DCLK1: variants seen among roughly 807,000 people sequenced by gnomAD.
DCLK1 encodes the protein serine/threonine-protein kinase DCLK1.
DCLK1 carries 16 observed loss-of-function variants against 86.2 expected under a neutral mutation model. The observed-to-expected ratio is 0.19, with a 90% CI of 0.13 to 0.28. The LOEUF is 0.28. Among genes scored for constraint, DCLK1 ranks in the 10% least tolerant of loss-of-function variants. The pLI is 1.00. For missense variants in DCLK1, 590 were observed against 940.2 expected, an observed-to-expected ratio of 0.63 and a Z score of 4.87; for synonymous variants, 369 against 370.5, an observed-to-expected ratio of 1.00 and a Z score of 0.05.
chr13:35,905,402 G>A (rs542273577), intron 4 of DCLK1, among the ~76,000 whole-genome samples: 18 of 152,320 alleles, frequency 1.2e-4, no homozygotes, highest in African/African-American at 4.3e-4. Context: ...GTTGAGGAAA[G>A]AGAAGATCCC....
At chr13:35,917,817 C>A (rs371013962) in intron 4 of DCLK1, among the ~76,000 whole-genome samples, 1 of 142,984 alleles carries the variant, frequency 7.0e-6, no homozygotes, top group African/African-American at 2.5e-5. Context: ...TGGCGGGGGG[C>A]AGGGCGGGGA....
intron 6 of DCLK1, chr13:35,850,772 A>C (rs1346015834): frequency 1.9e-6 from 3 of 1,593,886 alleles, no homozygotes; most frequent in Middle Eastern, 1.7e-4. Flanking sequence ...GGGGCGGTAC[A>C]GGTCCTGCAA....
intron 3 of DCLK1, among the ~76,000 whole-genome samples, chr13:36,060,702 G>A (rs997817402): frequency 2.0e-5 from 3 of 152,076 alleles, no homozygotes; most frequent in Admixed American, 2.0e-4. Flanking sequence ...AAAAAAAGAT[G>A]TCTGGTTAAA....
At position 35,839,060 on chromosome 13, in the gene DCLK1, C is replaced by A. The variant is rs775429323; in HGVS notation, c.1120+32G>T. ...GTAAATTTAGCCAACCCATCCTCTG[C>A]CTCCTCAGATACCAAGTCCCAAGCT... is the stretch of plus-strand genomic sequence containing the variant. On this transcript the variant is annotated intron_variant, in intron 7 of 16. Transcript: ENST00000360631. The A allele has an allele frequency of 1.3e-5, 20 of 1,568,510 alleles. No homozygotes were observed. In the East Asian group the frequency reaches 4.4e-4, roughly 34 times the overall value.
chr13:35,846,794 T>C, intron 6 of DCLK1: 1 of 985,244 alleles, frequency 1.0e-6, no homozygotes, highest in South Asian at 4.7e-5. Context: ...GCATATATAG[T>C]AAATTCATTC....
chr13:35,941,477 A>C (rs556088947), intron 4 of DCLK1, among the ~76,000 whole-genome samples: 34 of 152,346 alleles, frequency 2.2e-4, no homozygotes, highest in African/African-American at 8.2e-4. Flanking sequence ...CCCAGGAAGA[A>C]CAACACTGGA....
At chr13:36,124,290 A>T (rs1566022041) in intron 2 of DCLK1, among the ~76,000 whole-genome samples, 1 of 152,240 alleles carries the variant, frequency 6.6e-6, no homozygotes, top group African/African-American at 2.4e-5. Context: ...AAGCTGAAAC[A>T]GTAAAATTTC....
chr13:35,845,510 A>T (rs1468355049), intron 6 of DCLK1, among the ~76,000 whole-genome samples: 1 of 152,138 alleles, frequency 6.6e-6, no homozygotes, highest in Non-Finnish European at 1.5e-5. Flanking sequence ...AAATTAGATC[A>T]CCTTGGGAAA....
At position 35,825,094 on chromosome 13, in the gene DCLK1, G is replaced by A. The variant is rs185117288; in HGVS notation, c.1408-2219C>T. ...CTAAAGTCCTGTGCCTGATGAGCAT[G>A]GAATTTCATTCTCATTAACTGCCGA... is the stretch of plus-strand genomic sequence containing the variant. On this transcript the variant is annotated intron_variant, in intron 10 of 16. Coordinates refer to ENST00000360631, the MANE Select transcript of DCLK1 (RefSeq NM_001330071.2). Among the ~76,000 whole-genome samples the A allele has an allele frequency of 7.2e-4, 110 of 152,328 alleles. 1 individual carries two copies. The highest frequency in any genetic ancestry group is 2.6e-3 in the African/African-American group (107 of 41,568).
intron 3 of DCLK1, among the ~76,000 whole-genome samples, chr13:36,099,064 T>C (rs111923425): frequency 0.16 from 24,936 of 151,274 alleles, 2,281 homozygotes; most frequent in Non-Finnish European, 0.21. Context: ...GCCTCCTGGG[T>C]TCAAGCGATT....
At chr13:35,911,328 C>T (rs1171264072) in intron 4 of DCLK1, among the ~76,000 whole-genome samples, 1 of 151,598 alleles carries the variant, frequency 6.6e-6, no homozygotes, top group African/African-American at 2.4e-5. Context: ...ATTTTACCAC[C>T]AACAACGACC....
chr13:36,113,993 C>T (rs1218025419), intron 2 of DCLK1, among the ~76,000 whole-genome samples: 4 of 152,126 alleles, frequency 2.6e-5, no homozygotes. Context: ...CAAAGCTAGC[C>T]TCTGTCAGAA....
At chr13:35,789,580 T>C (rs2086677531) in intron 16 of DCLK1, among the ~76,000 whole-genome samples, 1 of 152,220 alleles carries the variant, frequency 6.6e-6, no homozygotes, top group South Asian at 2.1e-4. Context: ...CACAATTATA[T>C]GCATGCTGAT....
In DCLK1 at chr13:35,828,696, C is replaced by T. The variant is rs529923610; in HGVS notation, c.1230-389G>A. On this transcript the variant is annotated intron_variant, in intron 8 of 16. Transcript: ENST00000360631. ...CTCTCAAAACAAAACACTAGCATTG[C>T]TAGTGTGTCTTAGCTTCTCCTGCTG... Among the ~76,000 whole-genome samples the T allele has an allele frequency of 3.3e-5, 5 of 152,238 alleles. 1 individual carries two copies. In the South Asian group the frequency reaches 8.3e-4, roughly 25 times the overall value.
intron 4 of DCLK1, among the ~76,000 whole-genome samples, chr13:35,928,328 G>T (rs1876240239): frequency 6.6e-6 from 1 of 152,136 alleles, no homozygotes; most frequent in Admixed American, 6.5e-5. Flanking sequence ...ACTGAGCTGT[G>T]CATGAGGACA....
chr13:35,926,557 C>G (rs1593739344), intron 4 of DCLK1, among the ~76,000 whole-genome samples: 1 of 152,204 alleles, frequency 6.6e-6, no homozygotes, highest in Admixed American at 6.5e-5. Context: ...GCATCCCCCA[C>G]ATTCACTAGC....
At chr13:36,046,378 T>C (rs1438725616) in intron 3 of DCLK1, among the ~76,000 whole-genome samples, 1 of 152,220 alleles carries the variant, frequency 6.6e-6, no homozygotes, top group Non-Finnish European at 1.5e-5. Context: ...TTTATGACTG[T>C]GATTTAACAG....
intron 2 of DCLK1, among the ~76,000 whole-genome samples, chr13:36,114,260 G>A (rs182576657): frequency 2.6e-5 from 4 of 152,188 alleles, no homozygotes; most frequent in Non-Finnish European, 5.9e-5. Flanking sequence ...GCATAAGAAA[G>A]TTCTCCAGTT....
At chr13:36,082,213 TC>T (rs1381460363) in intron 3 of DCLK1, among the ~76,000 whole-genome samples, 5 of 152,184 alleles carry the variant, frequency 3.3e-5, no homozygotes, top group African/African-American at 1.2e-4. Context: ...CTCCTCTTCC[TC>T]CTCCTCCTCA....
Sources: gnomAD v4.1 joint callset for allele counts (sites outside exome capture counted in the v4.1 genomes callset) on GRCh38, gnomAD v4.1.1 for gene constraint, MANE v1.5 for transcripts, NCBI Gene and HGNC (gene_info 2026-07-23, HGNC 2026-07-21) for gene names.